Variants in CUL3 observed in about 807,000 individuals in gnomAD.
The protein encoded by CUL3 is cullin-3.
A neutral mutation model predicts 89.1 loss-of-function variants in CUL3; 19 were observed. The observed-to-expected ratio is 0.21, with a 90% CI of 0.15 to 0.31. The LOEUF is 0.31. CUL3 is among the 10% of genes least tolerant of loss of function. The probability of loss-of-function intolerance (pLI) is 1.00; values close to 1 mark genes in which losing one functional copy is unlikely to be tolerated. For synonymous variants in CUL3, 351 were observed against 308.4 expected (o/e 1.14, Z -1.45); for missense variants, 469 against 942.3 (o/e 0.50, Z 6.58).
chr2:224,531,572 C>G (rs13023842), intron 3 of CUL3, among the ~76,000 whole-genome samples: 27,961 of 151,918 alleles, frequency 0.18, 2,879 homozygotes, highest in South Asian at 0.27. Context: ...ATACACTCCA[C>G]TGGGCAAACT....
intron 1 of CUL3, among the ~76,000 whole-genome samples, chr2:224,582,233 C>G (rs1427966718): frequency 6.6e-6 from 1 of 152,218 alleles, no homozygotes; most frequent in Non-Finnish European, 1.5e-5. Context: ...TCCCAAAGTG[C>G]TGGGATCACA....
intron 15 of CUL3, among the ~76,000 whole-genome samples, chr2:224,477,726 C>T (rs1418077486): frequency 1.3e-5 from 2 of 152,202 alleles, no homozygotes; most frequent in African/African-American, 4.8e-5. Flanking sequence ...TCAGTAAAGT[C>T]TGTCAATTCT....
chr2:224,499,552 C>G lies in CUL3; in HGVS notation c.1610+811G>C, dbSNP rs746804721. 3 of 222,508 alleles carry G rather than the reference C, an allele frequency of 1.3e-5. No individual in the cohort carries two copies. In the South Asian group the frequency reaches 2.5e-4, roughly 19 times the overall value. 13.8% of individuals were successfully genotyped at this position (222,508 alleles called of 1,614,324 possible). On this transcript the variant is annotated intron_variant, in intron 11 of 15. Transcript: ENST00000264414. Reference sequence around the variant, plus strand: ...CTAGAGTAGCTCTGCTGTCTCTGATCCCAGCAGCAAGATGCAAGTGGGTCA... The same window carrying G: ...CTAGAGTAGCTCTGCTGTCTCTGATGCCAGCAGCAAGATGCAAGTGGGTCA...
chr2:224,552,697 A>G (rs1694560388), intron 2 of CUL3, among the ~76,000 whole-genome samples: 2 of 152,214 alleles, frequency 1.3e-5, no homozygotes, highest in South Asian at 2.1e-4. Context: ...TGTAAAAATT[A>G]TATTTCCTTG....
At chr2:224,553,357 A>G (rs1437781701) in intron 2 of CUL3, among the ~76,000 whole-genome samples, 2 of 152,234 alleles carry the variant, frequency 1.3e-5, no homozygotes, top group African/African-American at 4.8e-5. Flanking sequence ...GCGTGAAAGA[A>G]AAGAATAAAT....
In CUL3 at chr2:224,562,489, A is replaced by T. The variant is rs889309380; in HGVS notation, c.67-4633T>A. Among the ~76,000 whole-genome samples the T allele has an allele frequency of 4.6e-5, 7 of 152,048 alleles. No individual in the cohort carries two copies. The East Asian group carries it at 1.4e-3, about 30-fold the overall frequency. ...CCCATCCCTACTAAAAATACAAAAAATAGCCGGATGTGGTGGTGCGTGCCT... is the reference window on the plus strand; with the variant it reads ...CCCATCCCTACTAAAAATACAAAAATTAGCCGGATGTGGTGGTGCGTGCCT... On this transcript the variant is annotated intron_variant, in intron 1 of 15. Transcript: ENST00000264414.
In CUL3 at chr2:224,502,340, G is replaced by A. The variant is rs570701045; in HGVS notation, c.1485+625C>T. Among the ~76,000 whole-genome samples the A allele has an allele frequency of 5.9e-4, 90 of 152,228 alleles. 2 individuals carry two copies. The highest frequency in any genetic ancestry group is 2.0e-3 in the African/African-American group (84 of 41,546). On this transcript the variant is annotated intron_variant, in intron 10 of 15. Transcript: ENST00000264414. The stretch of plus-strand genomic sequence containing the variant: ...ACTTAAGGTTAAGTTGAAAATCAGA[G>A]TAAAAAATGAAACTAAATTCTGAAT...
At chr2:224,581,182 G>A (rs1695428549) in intron 1 of CUL3, among the ~76,000 whole-genome samples, 2 of 152,024 alleles carry the variant, frequency 1.3e-5, no homozygotes, top group Admixed American at 1.3e-4. Flanking sequence ...GGATCACGAC[G>A]TCAGGAGTTC....
At chr2:224,546,259 C>G (rs936704414) in intron 2 of CUL3, among the ~76,000 whole-genome samples, 1 of 152,118 alleles carries the variant, frequency 6.6e-6, no homozygotes, top group East Asian at 1.9e-4. Context: ...GACAACAAAG[C>G]TACCAGTATT....
At chr2:224,584,351 T>C (rs979972923) in intron 1 of CUL3, among the ~76,000 whole-genome samples, 6 of 152,074 alleles carry the variant, frequency 3.9e-5, no homozygotes, top group African/African-American at 1.4e-4. Flanking sequence ...CTTAGGAAGC[T>C]TGTAGGATGA....
chr2:224,481,394 GCT>G (rs35004486), intron 14 of CUL3, among the ~76,000 whole-genome samples: 28,001 of 151,584 alleles, frequency 0.18, 2,918 homozygotes, highest in South Asian at 0.27. Context: ...GACTTATATG[GCT>G]CTATTAAAAA....
At chr2:224,512,137 C>T (rs890723806) in intron 5 of CUL3, among the ~76,000 whole-genome samples, 1 of 151,796 alleles carries the variant, frequency 6.6e-6, no homozygotes, top group Non-Finnish European at 1.5e-5. Context: ...GCTCTGTCAC[C>T]CAGGCTAGAG....
intron 2 of CUL3, among the ~76,000 whole-genome samples, chr2:224,544,874 TAA>T (rs1399536726): frequency 1.3e-5 from 2 of 151,838 alleles, no homozygotes; most frequent in East Asian, 3.8e-4. Flanking sequence ...TCTAAAAGGT[TAA>T]AAAGAAACAC....
chr2:224,478,085 T>TA, intron 15 of CUL3, 115 bp downstream of exon 15: 8 of 1,062,152 alleles, frequency 7.5e-6, no homozygotes, highest in Non-Finnish European at 1.1e-5. Flanking sequence ...TCATAAGTGT[T>TA]ACATCACTAG....
chr2:224,492,827 A>C (rs1326505930), intron 13 of CUL3, among the ~76,000 whole-genome samples: 3 of 152,208 alleles, frequency 2.0e-5, no homozygotes, highest in Admixed American at 1.3e-4. Flanking sequence ...GAGAAGTGAC[A>C]CTACATGTCT....
chr2:224,528,568 G>A (rs1394376100), intron 3 of CUL3, among the ~76,000 whole-genome samples: 2 of 152,002 alleles, frequency 1.3e-5, no homozygotes, highest in Non-Finnish European at 2.9e-5. Context: ...CACTCCTTAA[G>A]GGCTCAACAA....
At chr2:224,564,709 A>C (rs565261863) in intron 1 of CUL3, among the ~76,000 whole-genome samples, 65 of 152,258 alleles carry the variant, frequency 4.3e-4, no homozygotes, top group Admixed American at 7.9e-4. Context: ...AGTGGCTCCC[A>C]AATCTATACT....
intron 15 of CUL3, among the ~76,000 whole-genome samples, chr2:224,476,990 G>A (rs886357721): frequency 2.0e-5 from 3 of 151,970 alleles, no homozygotes; most frequent in Admixed American, 6.5e-5. Context: ...CCACTTTCAC[G>A]AGTCCAATGA....
chr2:224,543,747 T>C (rs775800518), intron 2 of CUL3, among the ~76,000 whole-genome samples: 7 of 152,016 alleles, frequency 4.6e-5, no homozygotes, highest in African/African-American at 9.7e-5. Context: ...CTCTGTGAGG[T>C]TGACGTGGGC....
Sources: gnomAD v4.1 joint callset for allele counts (sites outside exome capture counted in the v4.1 genomes callset) on GRCh38, gnomAD v4.1.1 for gene constraint, MANE v1.5 for transcripts, NCBI Gene and HGNC (gene_info 2026-07-23, HGNC 2026-07-21) for gene names.